The following SRGAP3 variants were observed in gnomAD, a reference collection of about 807,000 sequenced individuals.
SRGAP3 encodes SLIT-ROBO Rho GTPase-activating protein 3.
Under a neutral mutation model 121.1 loss-of-function variants are expected in SRGAP3, and 39 were observed. The observed-to-expected ratio is 0.32, with a 90% confidence interval of 0.25 to 0.42. The LOEUF is 0.42. Among genes scored for constraint, SRGAP3 ranks in the 10% least tolerant of loss-of-function variants. The pLI is 1.00. For missense variants in SRGAP3, 1,213 were observed against 1,470.6 expected (o/e 0.82, Z 2.86); for synonymous variants, 601 against 570.0 (o/e 1.05, Z -0.77).
intron 1 of SRGAP3, among the ~76,000 whole-genome samples, chr3:9,342,083 G>C (rs1230418421): frequency 6.6e-6 from 1 of 152,158 alleles, no homozygotes; most frequent in Non-Finnish European, 1.5e-5. Flanking sequence ...GGGGGTGATG[G>C]CTCACACCTG....
chr3:9,336,920 T>C (rs548087481), intron 1 of SRGAP3, among the ~76,000 whole-genome samples: 1 of 152,176 alleles, frequency 6.6e-6, no homozygotes, highest in African/African-American at 2.4e-5. Context: ...TTAATATAGA[T>C]GGAGTCTCAC....
At chr3:9,244,494 G>A (rs546164196) in intron 1 of SRGAP3, among the ~76,000 whole-genome samples, 1 of 151,286 alleles carries the variant, frequency 6.6e-6, no homozygotes, top group African/African-American at 2.4e-5. Context: ...TTTTCTATCA[G>A]GTTGCAATGG....
At chr3:9,255,965 A>G (rs1480688101) in intron 3 of SRGAP3, among the ~76,000 whole-genome samples, 1 of 152,066 alleles carries the variant, frequency 6.6e-6, no homozygotes, top group Non-Finnish European at 1.5e-5. Flanking sequence ...CTCACAACAA[A>G]TGGGAGAGCT....
intron 2 of SRGAP3, among the ~76,000 whole-genome samples, chr3:9,106,971 A>G (rs1948440181): frequency 6.9e-6 from 1 of 145,084 alleles, no homozygotes; most frequent in African/African-American, 2.5e-5. Flanking sequence ...TAGGTGGGGC[A>G]GGGCTACCTT....
In SRGAP3 at chr3:9,217,185, A is replaced by AT. The variant is rs528384050; in HGVS notation, c.67+31699dup. 3.9e-5 allele frequency among the ~76,000 whole-genome samples: 6 copies of AT among 152,312 alleles called. No individual in the cohort carries two copies. In the South Asian group the frequency reaches 1.2e-3, roughly 32 times the overall value. On this transcript the variant is annotated intron_variant, in intron 1 of 21. Transcript: ENST00000383836. ...TTTATGTGATGTGCTTTTCGACACA[A>AT]TAAAAAAAAATTGACAAGGCTGGCA...
intron 1 of SRGAP3, among the ~76,000 whole-genome samples, chr3:9,242,391 T>G (rs1290852109): frequency 6.6e-6 from 1 of 152,202 alleles, no homozygotes; most frequent in Non-Finnish European, 1.5e-5. Context: ...TCCCAGCATT[T>G]TGGGAGGCCG....
intron 1 of SRGAP3, among the ~76,000 whole-genome samples, chr3:9,149,208 C>T (rs1249502679): frequency 9.1e-5 from 13 of 142,642 alleles, no homozygotes; most frequent in African/African-American, 3.1e-4. Context: ...TGCAAGACTC[C>T]GTCTCAAAAA....
chr3:9,302,024 C>T (rs538775888), intron 3 of SRGAP3, among the ~76,000 whole-genome samples: 24 of 152,310 alleles, frequency 1.6e-4, no homozygotes, highest in African/African-American at 4.8e-4. Flanking sequence ...GCTGGTGAGT[C>T]GTCTTGCCGA....
chr3:9,168,386 C>T (rs1254095635), intron 1 of SRGAP3, among the ~76,000 whole-genome samples: 1 of 152,202 alleles, frequency 6.6e-6, no homozygotes, highest in Non-Finnish European at 1.5e-5. Flanking sequence ...AGCAACCCCA[C>T]CCCGCTCAGG....
At chr3:9,040,855 A>G (rs946029864) in intron 10 of SRGAP3, among the ~76,000 whole-genome samples, 3 of 152,208 alleles carry the variant, frequency 2.0e-5, no homozygotes, top group Non-Finnish European at 4.4e-5. Context: ...CTTATCATTA[A>G]TATTTTTCTT....
intron 1 of SRGAP3, among the ~76,000 whole-genome samples, chr3:9,191,702 G>A (rs1366183250): frequency 1.3e-5 from 2 of 152,178 alleles, no homozygotes; most frequent in Non-Finnish European, 2.9e-5. Context: ...CATTTGGATG[G>A]GTGTCCCCGT....
intron 1 of SRGAP3, among the ~76,000 whole-genome samples, chr3:9,215,471 C>A (rs1952585640): frequency 6.6e-6 from 1 of 152,214 alleles, no homozygotes; most frequent in Non-Finnish European, 1.5e-5. Flanking sequence ...GACCCAAGCT[C>A]CTCTCTGCTC....
intron 1 of SRGAP3, among the ~76,000 whole-genome samples, chr3:9,133,582 T>A (rs544494612): frequency 1.3e-5 from 2 of 152,342 alleles, no homozygotes; most frequent in South Asian, 2.1e-4. Context: ...CACTGTAAGT[T>A]TTTTTTAGCC....
chr3:8,992,149 T>G lies in SRGAP3; in HGVS notation c.2558+757A>C, dbSNP rs1472437029. ...GTGTTCCCACTGTGACTGATTTTTT[T>G]GGGGTCTATCTGCAAATACCTACAT... On this transcript the variant is annotated intron_variant, in intron 20 of 21. Coordinates refer to ENST00000383836, the MANE Select transcript of SRGAP3 (RefSeq NM_014850.4). Among the ~76,000 whole-genome samples, 4 of 152,338 alleles carry G rather than the reference T, an allele frequency of 2.6e-5. No homozygotes were observed. In the East Asian group the frequency reaches 5.8e-4, roughly 22 times the overall value.
intron 3 of SRGAP3, chr3:9,256,712 G>C (rs899707780): frequency 1.5e-5 from 6 of 397,182 alleles, no homozygotes; most frequent in African/African-American, 1.2e-4. Context: ...TAGCTGATTG[G>C]TGAATTTGAG....
intron 1 of SRGAP3, among the ~76,000 whole-genome samples, chr3:9,234,136 A>G (rs978634256): frequency 6.6e-6 from 1 of 152,198 alleles, no homozygotes; most frequent in African/African-American, 2.4e-5. Flanking sequence ...TCACGGGACA[A>G]ATAAATTCAA....
At chr3:9,049,605 G>A in intron 9 of SRGAP3, 1 of 421,968 alleles carries the variant, frequency 2.4e-6, no homozygotes, top group Non-Finnish European at 4.8e-6. Context: ...CAAGTGTGGG[G>A]CAGAGGGCCA....
chr3:9,319,254 A>C (rs1955401256), intron 3 of SRGAP3, among the ~76,000 whole-genome samples: 1 of 151,908 alleles, frequency 6.6e-6, no homozygotes, highest in East Asian at 1.9e-4. Flanking sequence ...GCTGGTTCTG[A>C]ATTCAAGGCT....
chr3:9,029,991 AT>A (rs758004116), intron 12 of SRGAP3, among the ~76,000 whole-genome samples: 49 of 109,212 alleles, frequency 4.5e-4, no homozygotes, highest in Admixed American at 3.5e-3. Flanking sequence ...AAAAAAAAAA[AT>A]TATTTTTTAA....
Sources: allele counts gnomAD v4.1 joint callset (sites outside exome capture counted in the v4.1 genomes callset), GRCh38; gene constraint gnomAD v4.1.1; transcripts MANE v1.5; gene names NCBI Gene and HGNC (gene_info 2026-07-23, HGNC 2026-07-21).